Variants in ADAMTS12 observed in about 807,000 individuals in gnomAD.
The protein encoded by ADAMTS12 is ADAM metallopeptidase with thrombospondin type 1 motif 12, also known as A disintegrin and metalloproteinase with thrombospondin motifs 12.
In ADAMTS12, 118 loss-of-function variants were observed where a neutral mutation model predicts 167.8. That is an observed-to-expected ratio of 0.70 (90% CI 0.61 to 0.82). The LOEUF (loss-of-function observed/expected upper bound fraction) is 0.82, where lower values mean the gene tolerates loss of function less well. Among genes scored for constraint, ADAMTS12 ranks in the 40% least tolerant of loss-of-function variants. The probability of loss-of-function intolerance (pLI) is 0.00; values close to 1 mark genes in which losing one functional copy is unlikely to be tolerated. For synonymous variants in ADAMTS12, 704 were observed against 716.9 expected (o/e 0.98, Z 0.29); for missense variants, 1,916 against 1,998.8 (o/e 0.96, Z 0.79).
chr5:33,878,328 T>C (rs1750305077), intron 2 of ADAMTS12, among the ~76,000 whole-genome samples: 1 of 152,060 alleles, frequency 6.6e-6, no homozygotes, highest in South Asian at 2.1e-4. Flanking sequence ...GTGTAAAAGG[T>C]TCCAAAATAA....
chr5:33,696,283 C>T (rs201298490), intron 3 of ADAMTS12, among the ~76,000 whole-genome samples: 17 of 90,138 alleles, frequency 1.9e-4, no homozygotes, highest in African/African-American at 3.1e-4. Context: ...TAGCCGGGCA[C>T]GGTGGCGGGC....
chr5:33,675,965 T>A (rs1402432722), intron 5 of ADAMTS12, among the ~76,000 whole-genome samples: 2 of 152,150 alleles, frequency 1.3e-5, no homozygotes, highest in Non-Finnish European at 2.9e-5. Flanking sequence ...CCGTAAAGCA[T>A]CCTGGAAACT....
chr5:33,572,042 A>T (rs1746381862), intron 19 of ADAMTS12, among the ~76,000 whole-genome samples: 1 of 152,180 alleles, frequency 6.6e-6, no homozygotes. Flanking sequence ...CCCAAGACTA[A>T]ACCAGGAAGA....
chr5:33,783,420 G>A (rs531380074), intron 2 of ADAMTS12, among the ~76,000 whole-genome samples: 14 of 151,574 alleles, frequency 9.2e-5, no homozygotes, highest in Non-Finnish European at 2.1e-4. Flanking sequence ...AAAATCAATA[G>A]AAAAAAGTCA....
chr5:33,739,953 A>G (rs1461377447), intron 3 of ADAMTS12, among the ~76,000 whole-genome samples: 1 of 152,248 alleles, frequency 6.6e-6, no homozygotes, highest in Non-Finnish European at 1.5e-5. Flanking sequence ...TTTAAACCAC[A>G]TTGGTGTGAA....
rs2111605329 is a variant in ADAMTS12 at position 33,843,169 on chromosome 5, G to T, written c.489+37950C>A. 1.3e-5 allele frequency among the ~76,000 whole-genome samples: 2 copies of T among 152,330 alleles called. 1 individual carries two copies. The highest frequency in any genetic ancestry group is 4.1e-4 in the South Asian group (2 of 4,830). Reference sequence around the variant, plus strand: ...GGGTTGGAACGAGAGGAGAGCTGAGGTGGACTAGCAGAAGGCCATAGCCTG... The same window carrying T: ...GGGTTGGAACGAGAGGAGAGCTGAGTTGGACTAGCAGAAGGCCATAGCCTG... On this transcript the variant is annotated intron_variant, in intron 2 of 23. Transcript: ENST00000504830.
At chr5:33,742,869 A>G (rs1579896527) in intron 3 of ADAMTS12, among the ~76,000 whole-genome samples, 1 of 152,232 alleles carries the variant, frequency 6.6e-6, no homozygotes, top group South Asian at 2.1e-4. Context: ...GCCTGGATTG[A>G]GCATATTTCT....
At chr5:33,826,578 G>A (rs1579968908) in intron 2 of ADAMTS12, among the ~76,000 whole-genome samples, 2 of 145,450 alleles carry the variant, frequency 1.4e-5, no homozygotes, top group South Asian at 2.4e-4. Context: ...GTGTATGTGT[G>A]TGTGTGTGTA....
At chr5:33,867,312 A>G (rs1321996778) in intron 2 of ADAMTS12, among the ~76,000 whole-genome samples, 2 of 152,206 alleles carry the variant, frequency 1.3e-5, no homozygotes, top group African/African-American at 4.8e-5. Flanking sequence ...TTTTGCAGAA[A>G]CTTGGATGGA....
intron 3 of ADAMTS12, among the ~76,000 whole-genome samples, chr5:33,722,472 T>C (rs1245414744): frequency 6.6e-6 from 1 of 152,212 alleles, no homozygotes; most frequent in African/African-American, 2.4e-5. Context: ...ATGTTAGGCA[T>C]AGAGACATTA....
At chr5:33,698,767 G>A (rs527334843) in intron 3 of ADAMTS12, among the ~76,000 whole-genome samples, 12 of 152,286 alleles carry the variant, frequency 7.9e-5, no homozygotes, top group African/African-American at 1.4e-4. Flanking sequence ...ATGAAACCCC[G>A]TCTCTACTAA....
chr5:33,809,390 G>A (rs1747361707), intron 2 of ADAMTS12, among the ~76,000 whole-genome samples: 1 of 152,160 alleles, frequency 6.6e-6, no homozygotes, highest in South Asian at 2.1e-4. Flanking sequence ...TTCTTGTCTT[G>A]TGGCTTCTAT....
At chr5:33,697,177 G>C (rs1430401782) in intron 3 of ADAMTS12, among the ~76,000 whole-genome samples, 2 of 152,164 alleles carry the variant, frequency 1.3e-5, no homozygotes, top group Non-Finnish European at 2.9e-5. Context: ...AAGGTGGTGT[G>C]TATATATTCA....
intron 2 of ADAMTS12, among the ~76,000 whole-genome samples, chr5:33,801,323 C>T (rs1047411132): frequency 6.6e-6 from 1 of 152,324 alleles, no homozygotes; most frequent in African/African-American, 2.4e-5. Flanking sequence ...GGAGTATTTA[C>T]ACCCCAGAAA....
At chr5:33,781,394 C>T (rs1230935305) in intron 2 of ADAMTS12, among the ~76,000 whole-genome samples, 1 of 152,128 alleles carries the variant, frequency 6.6e-6, no homozygotes, top group Non-Finnish European at 1.5e-5. Context: ...AGGGATCTTA[C>T]TAAATGCCTG....
intron 3 of ADAMTS12, among the ~76,000 whole-genome samples, chr5:33,719,378 T>C (rs1037817232): frequency 2.6e-5 from 4 of 152,174 alleles, no homozygotes; most frequent in Non-Finnish European, 5.9e-5. Context: ...CCTCATACAC[T>C]CTGGGTTGGG....
At chr5:33,695,779 G>C (rs4866371) in intron 3 of ADAMTS12, among the ~76,000 whole-genome samples, 34,247 of 152,014 alleles carry the variant, frequency 0.23, 4,041 homozygotes, top group East Asian at 0.43. Flanking sequence ...GGAGAGGGAT[G>C]GATGGTGATG....
chr5:33,555,851 C>G (rs1182083914), intron 20 of ADAMTS12, among the ~76,000 whole-genome samples: 1 of 152,196 alleles, frequency 6.6e-6, no homozygotes, highest in Non-Finnish European at 1.5e-5. Context: ...AGTACTACCA[C>G]CCACAGTAGG....
At chr5:33,888,917 T>A (rs943446089) in intron 1 of ADAMTS12, among the ~76,000 whole-genome samples, 1 of 152,244 alleles carries the variant, frequency 6.6e-6, no homozygotes, top group African/African-American at 2.4e-5. Flanking sequence ...TTTCTATGTT[T>A]CTAGTCCCAG....
Sources: gnomAD v4.1 joint callset for allele counts (sites outside exome capture counted in the v4.1 genomes callset) on GRCh38, gnomAD v4.1.1 for gene constraint, MANE v1.5 for transcripts, NCBI Gene and HGNC (gene_info 2026-07-23, HGNC 2026-07-21) for gene names.